Variants in RBBP8 observed in about 807,000 individuals in gnomAD.
RBBP8 encodes the protein DNA endonuclease RBBP8.
RBBP8 carries 88 observed loss-of-function variants against 108.3 expected under a neutral mutation model. The ratio of observed to expected loss-of-function variants is 0.81; its 90% CI spans 0.68 to 0.97. The LOEUF is 0.97. Ranked by LOEUF, RBBP8 falls within the 50% of genes least tolerant of loss-of-function variation. The probability of loss-of-function intolerance (pLI) is 0.00; values close to 1 mark genes in which losing one functional copy is unlikely to be tolerated. For synonymous variants in RBBP8, 332 were observed against 348.2 expected, an observed-to-expected ratio of 0.95 and a Z score of 0.52; for missense variants, 1,023 against 1,049.0, an observed-to-expected ratio of 0.98 and a Z score of 0.34.
chr18:23,006,692 G>A (rs550696813), intron 16 of RBBP8, among the ~76,000 whole-genome samples: 2 of 152,010 alleles, frequency 1.3e-5, no homozygotes, highest in African/African-American at 4.8e-5. Context: ...TGTAGAGACA[G>A]GGTTTCACCA....
intron 15 of RBBP8, among the ~76,000 whole-genome samples, chr18:23,002,888 A>G: frequency 6.6e-6 from 1 of 152,216 alleles, no homozygotes; most frequent in East Asian, 1.9e-4. Flanking sequence ...ATTTTGAAAT[A>G]AAAATTCACA....
At chr18:23,015,749 TA>T (rs950709688) in intron 16 of RBBP8, among the ~76,000 whole-genome samples, 2 of 151,976 alleles carry the variant, frequency 1.3e-5, no homozygotes, top group South Asian at 2.1e-4. Context: ...GGCTCCTATG[TA>T]AAAAAAATCA....
upstream of RBBP8, among the ~76,000 whole-genome samples, chr18:22,930,849 G>A (rs1176582337): frequency 6.6e-6 from 1 of 152,062 alleles, no homozygotes; most frequent in Admixed American, 6.5e-5. Context: ...ATAGTTCACT[G>A]CAGCCTTGAA....
intron 6 of RBBP8, among the ~76,000 whole-genome samples, chr18:22,978,458 C>G (rs1914647192): frequency 1.3e-5 from 2 of 151,756 alleles, no homozygotes; most frequent in African/African-American, 4.8e-5. Context: ...GAAGACAAAG[C>G]CAGCACTCAT....
chr18:22,923,750 C>A (rs1909689343), intron 3 of RBBP8, among the ~76,000 whole-genome samples: 1 of 152,120 alleles, frequency 6.6e-6, no homozygotes, highest in Non-Finnish European at 1.5e-5. Flanking sequence ...CTACTCTGTC[C>A]CTTCTGAGAT....
intron 16 of RBBP8, 179 bp from the exon 17 acceptor site, chr18:23,016,649 G>GA (rs1846582830): frequency 4.9e-6 from 3 of 607,882 alleles, no homozygotes; most frequent in Admixed American, 2.9e-5. Context: ...TTTTTAGTTA[G>GA]AAAAAAATAC....
intron 3 of RBBP8, among the ~76,000 whole-genome samples, chr18:22,926,992 CTGAT>C (rs1327794547): frequency 2.0e-5 from 3 of 152,216 alleles, no homozygotes; most frequent in African/African-American, 4.8e-5. Context: ...GGCAAGATCA[CTGAT>C]TGATGTATAC....
At chr18:22,963,799 G>A (rs919091388) in intron 4 of RBBP8, among the ~76,000 whole-genome samples, 7 of 151,992 alleles carry the variant, frequency 4.6e-5, no homozygotes, top group African/African-American at 9.7e-5. Flanking sequence ...AACCAATTCC[G>A]TTGTACCCAT....
intron 2 of RBBP8, among the ~76,000 whole-genome samples, chr18:22,940,717 G>T (rs1357094727): frequency 6.6e-6 from 1 of 152,010 alleles, no homozygotes; most frequent in Non-Finnish European, 1.5e-5. Context: ...CACAATCATG[G>T]TTCGCCGTAG....
chr18:23,019,603 A>G (rs2046314820), intron 17 of RBBP8, among the ~76,000 whole-genome samples: 1 of 152,086 alleles, frequency 6.6e-6, no homozygotes, highest in African/African-American at 2.4e-5. Flanking sequence ...AGTCTCCTAT[A>G]TGTCCTGAGA....
intron 3 of RBBP8, among the ~76,000 whole-genome samples, chr18:22,926,961 AC>A (rs1909812070): frequency 6.6e-6 from 1 of 151,874 alleles, no homozygotes; most frequent in African/African-American, 2.4e-5. Flanking sequence ...CAAATCATAA[AC>A]AAAACATTTT....
At position 23,026,414 on chromosome 18, in the gene RBBP8, G is replaced by A. The variant is rs1042513412; in HGVS notation, c.*174G>A. The A allele has an allele frequency of 2.5e-5, 15 of 606,870 alleles. No individual in the cohort carries two copies. The highest frequency in any genetic ancestry group is 9.1e-4 in the Middle Eastern group (2 of 2,202). 37.6% of individuals were successfully genotyped at this position (606,870 alleles called of 1,614,324 possible). ...TTTTGCACCTTTAAAACAATAAGGC[G>A]CTTTCATTTTGCACTCTAACTTAAG... On this transcript the variant is annotated 3_prime_UTR_variant, in exon 19 of 19. Transcript: ENST00000327155.
intron 3 of RBBP8, among the ~76,000 whole-genome samples, chr18:22,923,876 AATTTATATTC>A (rs1435474801): frequency 1.1e-4 from 17 of 152,328 alleles, no homozygotes; most frequent in Middle Eastern, 3.4e-3. Flanking sequence ...ATTAGAAGTA[AATTTATATTC>A]ATTTCTCAAA....
In RBBP8 at chr18:23,022,602, AAAAAT is replaced by A. The variant is rs1299225729; in HGVS notation, c.2596+366_2596+370del. On this transcript the variant is annotated intron_variant, in intron 18 of 18. Coordinates refer to ENST00000327155, the MANE Select transcript of RBBP8 (RefSeq NM_002894.3). ...GGGCGACAGAACAAGACTCTGTCTCAAAAATAAAATAAAATAAAATAAAATAAAAT... is the reference window on the plus strand; with the variant it reads ...GGGCGACAGAACAAGACTCTGTCTCAAAAATAAAATAAAATAAAATAAAAT... Among the ~76,000 whole-genome samples, 10 of 92,416 alleles carry A rather than the reference AAAAAT, an allele frequency of 1.1e-4. 2 individuals are homozygous for A. Among genetic ancestry groups the A allele is most frequent in the African/African-American group, 3.6e-4 (8 of 22,302 alleles). The allele number at this position is 92,416 out of a possible 152,430, so 60.6% of individuals were successfully genotyped here.
Position 23,022,646 on chromosome 18 carries a change from T to TAAAATAAAATAAAATAAAATAAAATAAAA in RBBP8, c.2596+377_2596+378insAAATAAAATAAAATAAAATAAAATAAAAA, listed in dbSNP as rs1437856449. Among the ~76,000 whole-genome samples the TAAAATAAAATAAAATAAAATAAAATAAAA allele has an allele frequency of 1.0e-4, 3 of 29,086 alleles. 1 individual carries two copies. The highest frequency in any genetic ancestry group is 2.7e-4 in the African/African-American group (3 of 11,044). 19.1% of individuals were successfully genotyped at this position (29,086 alleles called of 152,430 possible). A position where few individuals can be genotyped will look rare whatever the true frequency, so the allele number is the denominator to read the frequency against. ...ATAAAATAAAATAAAATAAATAAAA[T>TAAAATAAAATAAAATAAAATAAAATAAAA]ACAATATAAAATAAAATAAAATAAA... is the stretch of plus-strand genomic sequence containing the variant. On this transcript the variant is annotated intron_variant, in intron 18 of 18. Coordinates refer to ENST00000327155, the MANE Select transcript of RBBP8 (RefSeq NM_002894.3).
chr18:22,979,237 C>T (rs751746352), intron 6 of RBBP8, among the ~76,000 whole-genome samples: 4 of 152,084 alleles, frequency 2.6e-5, no homozygotes, highest in Non-Finnish European at 4.4e-5. Context: ...TGCACTCCAG[C>T]CTGGGCAACA....
chr18:23,010,780 T>C (rs1034451325), intron 16 of RBBP8, among the ~76,000 whole-genome samples: 1 of 152,110 alleles, frequency 6.6e-6, no homozygotes, highest in Non-Finnish European at 1.5e-5. Flanking sequence ...CATTGTTGCT[T>C]TTTCCACTGA....
Position 22,945,728 on chromosome 18 carries a change from A to G in RBBP8, c.110-716A>G, listed in dbSNP as rs539719429. ...ATCAATATTGGGTTTTATAATTTTTACAATTTTGCTAGTTGTTTTGGTTTG... is the reference window on the plus strand; with the variant it reads ...ATCAATATTGGGTTTTATAATTTTTGCAATTTTGCTAGTTGTTTTGGTTTG... On this transcript the variant is annotated intron_variant, in intron 2 of 18. Transcript: ENST00000327155. 8.3e-4 allele frequency among the ~76,000 whole-genome samples: 127 copies of G among 152,294 alleles called. No homozygotes were observed. In the Middle Eastern group the frequency reaches 0.017, roughly 20 times the overall value.
chr18:22,960,749 T>C (rs1455150467), intron 4 of RBBP8, among the ~76,000 whole-genome samples: 1 of 152,202 alleles, frequency 6.6e-6, no homozygotes, highest in Non-Finnish European at 1.5e-5. Context: ...ATAAAAATTT[T>C]TTATAATGTA....
Sources: allele counts gnomAD v4.1 joint callset (sites outside exome capture counted in the v4.1 genomes callset), GRCh38; gene constraint gnomAD v4.1.1; transcripts MANE v1.5; gene names NCBI Gene and HGNC (gene_info 2026-07-23, HGNC 2026-07-21).